SNX9: variants seen among roughly 807,000 people sequenced by gnomAD.
The protein encoded by SNX9 is sorting nexin-9.
SNX9 carries 44 observed loss-of-function variants against 89.4 expected under a neutral mutation model. That is an observed-to-expected ratio of 0.49 (90% CI 0.39 to 0.63). The LOEUF (loss-of-function observed/expected upper bound fraction) is 0.63. Among genes scored for constraint, SNX9 ranks in the 30% least tolerant of loss-of-function variants. The pLI is 0.00. For synonymous variants in SNX9, 236 were observed against 247.8 expected (o/e 0.95, Z 0.45); for missense variants, 578 against 736.1 (o/e 0.79, Z 2.49).
intron 1 of SNX9, among the ~76,000 whole-genome samples, chr6:157,853,575 A>G (rs1583200358): frequency 6.6e-6 from 1 of 152,260 alleles, no homozygotes; most frequent in East Asian, 1.9e-4. Flanking sequence ...ACATGTATAC[A>G]GTAACTGTTG....
chr6:157,908,232 T>C (rs183217540), intron 7 of SNX9, among the ~76,000 whole-genome samples: 11 of 152,344 alleles, frequency 7.2e-5, no homozygotes, highest in African/African-American at 2.6e-4. Flanking sequence ...TTTTACTTTC[T>C]TATGGTACTT....
At chr6:157,920,442 G>A (rs916532473) in intron 9 of SNX9, among the ~76,000 whole-genome samples, 3 of 152,146 alleles carry the variant, frequency 2.0e-5, no homozygotes, top group African/African-American at 7.2e-5. Flanking sequence ...AGCTGCAGCT[G>A]CCCATCTTCA....
chr6:157,857,044 A>AT lies in SNX9; in HGVS notation c.13-10496dup, dbSNP rs1360546856. 1.5e-4 allele frequency among the ~76,000 whole-genome samples: 23 copies of AT among 152,212 alleles called. 1 individual carries two copies. Among genetic ancestry groups the AT allele is most frequent in the Non-Finnish European group, 1.6e-4 (11 of 67,996 alleles). On this transcript the variant is annotated intron_variant, in intron 1 of 17. Transcript: ENST00000392185. The stretch of plus-strand genomic sequence containing the variant: ...ACAGTTCTTAAAGGATAAATGGTTG[A>AT]TTTTTTTGCCTTTATTTACCAGTTG...
chr6:157,881,352 G>A (rs775724151), intron 4 of SNX9, among the ~76,000 whole-genome samples: 3 of 152,046 alleles, frequency 2.0e-5, no homozygotes, highest in Non-Finnish European at 2.9e-5. Flanking sequence ...CCATACCCTC[G>A]TCTTTCTCCC....
chr6:157,923,394 G>A lies in SNX9; in HGVS notation c.1080+1733G>A, dbSNP rs183452010. On this transcript the variant is annotated intron_variant, in intron 10 of 17. Transcript: ENST00000392185. ...GTAAGGTAGCTGGATACAAGACATTGCATATTTATCAGCAAAAACAGAAAT... is the reference window on the plus strand; with the variant it reads ...GTAAGGTAGCTGGATACAAGACATTACATATTTATCAGCAAAAACAGAAAT... 1.9e-4 allele frequency among the ~76,000 whole-genome samples: 28 copies of A among 150,900 alleles called. No individual in the cohort carries two copies. In the East Asian group the frequency reaches 4.8e-3, roughly 26 times the overall value.
intron 7 of SNX9, among the ~76,000 whole-genome samples, chr6:157,909,244 C>T (rs771048457): frequency 1.3e-5 from 2 of 152,172 alleles, no homozygotes; most frequent in African/African-American, 2.4e-5. Context: ...AACTTGAGGA[C>T]AATTTGGTAT....
intron 1 of SNX9, among the ~76,000 whole-genome samples, chr6:157,853,541 C>T (rs1379861828): frequency 6.6e-6 from 1 of 152,132 alleles, no homozygotes; most frequent in African/African-American, 2.4e-5. Flanking sequence ...CTGTCTTCCC[C>T]TCCATCATTC....
At chr6:157,921,722 C>G in intron 10 of SNX9, 61 bp downstream of exon 10, 1 of 1,535,650 alleles carries the variant, frequency 6.5e-7, no homozygotes. Flanking sequence ...TCACACCAAA[C>G]TTATTTCTGA....
chr6:157,841,932 T>C (rs1417510824), intron 1 of SNX9, among the ~76,000 whole-genome samples: 1 of 152,182 alleles, frequency 6.6e-6, no homozygotes, highest in East Asian at 1.9e-4. Context: ...CCCTGTGTAC[T>C]CATCACCCAC....
chr6:157,899,218 T>C (rs148388547), intron 5 of SNX9, among the ~76,000 whole-genome samples: 2 of 152,250 alleles, frequency 1.3e-5, no homozygotes, highest in African/African-American at 4.8e-5. Flanking sequence ...CTCTCATCTT[T>C]TTCTCCCACA....
chr6:157,826,815 A>T (rs1203104807), intron 1 of SNX9, among the ~76,000 whole-genome samples: 2 of 107,432 alleles, frequency 1.9e-5, no homozygotes, highest in African/African-American at 1.1e-4. Flanking sequence ...TTTATATATA[A>T]ATATATATTA....
intron 7 of SNX9, among the ~76,000 whole-genome samples, chr6:157,909,276 A>C (rs1783284627): frequency 6.6e-6 from 1 of 152,254 alleles, no homozygotes; most frequent in Admixed American, 6.5e-5. Flanking sequence ...CAAAATGTGT[A>C]ATGTTATATT....
chr6:157,855,962 TG>T (rs1001135298), intron 1 of SNX9, among the ~76,000 whole-genome samples: 1 of 152,238 alleles, frequency 6.6e-6, no homozygotes, highest in Non-Finnish European at 1.5e-5. Context: ...TTGGCCAGGC[TG>T]CTCTTGAACG....
chr6:157,908,607 C>G (rs1783267921), intron 7 of SNX9, among the ~76,000 whole-genome samples: 1 of 152,140 alleles, frequency 6.6e-6, no homozygotes, highest in Non-Finnish European at 1.5e-5. Flanking sequence ...TGTACATGAG[C>G]TCCAGCATCC....
intron 10 of SNX9, chr6:157,924,814 C>T (rs1452625637): frequency 6.6e-6 from 1 of 152,154 alleles, no homozygotes; most frequent in Non-Finnish European, 1.5e-5. Flanking sequence ...TGGTAATTAT[C>T]GAAGCTGAAC....
chr6:157,858,487 GC>G (rs1397045202), intron 1 of SNX9, among the ~76,000 whole-genome samples: 1 of 152,110 alleles, frequency 6.6e-6, no homozygotes, highest in Non-Finnish European at 1.5e-5. Context: ...TTCCCAAAGT[GC>G]TGGGATTACA....
At chr6:157,866,206 C>A (rs1005790781) in intron 1 of SNX9, among the ~76,000 whole-genome samples, 1 of 152,162 alleles carries the variant, frequency 6.6e-6, no homozygotes, top group African/African-American at 2.4e-5. Flanking sequence ...TCTCAAGGAT[C>A]CTCTTGAGGA....
chr6:157,902,533 C>G (rs991376088), intron 6 of SNX9, among the ~76,000 whole-genome samples: 1 of 152,078 alleles, frequency 6.6e-6, no homozygotes, highest in African/African-American at 2.4e-5. Flanking sequence ...AGAGACGCAT[C>G]GAGTGTTCCA....
intron 11 of SNX9, 125 bp downstream of exon 11, chr6:157,927,339 A>G (rs1783715483): frequency 1.6e-6 from 1 of 638,404 alleles, no homozygotes. Context: ...AATGAGTGGG[A>G]TTTGTAGTCC....
Sources: gnomAD v4.1 joint callset for allele counts (sites outside exome capture counted in the v4.1 genomes callset) on GRCh38, gnomAD v4.1.1 for gene constraint, MANE v1.5 for transcripts, NCBI Gene and HGNC (gene_info 2026-07-23, HGNC 2026-07-21) for gene names.